Variants in GRIN2A observed in about 807,000 individuals in gnomAD.
GRIN2A encodes the protein glutamate ionotropic receptor NMDA type subunit 2A.
A neutral mutation model predicts 113.4 loss-of-function variants in GRIN2A; 22 were observed. The observed-to-expected ratio is 0.19, with a 90% confidence interval of 0.14 to 0.28. The LOEUF is 0.28. GRIN2A is among the 10% of genes least tolerant of loss of function. The pLI is 1.00. For synonymous variants in GRIN2A, 827 were observed against 738.4 expected (o/e 1.12, Z -1.94); for missense variants, 1,502 against 1,887.0 (o/e 0.80, Z 3.78).
intron 2 of GRIN2A, among the ~76,000 whole-genome samples, chr16:10,056,785 G>T (rs1371406662): frequency 6.6e-6 from 1 of 152,148 alleles, no homozygotes; most frequent in East Asian, 1.9e-4. Context: ...GCAGGGGAGG[G>T]TCTTCCCTTA....
intron 2 of GRIN2A, among the ~76,000 whole-genome samples, chr16:10,089,162 A>C (rs2048138574): frequency 6.6e-6 from 1 of 152,246 alleles, no homozygotes; most frequent in African/African-American, 2.4e-5. Context: ...TACTTTGTCA[A>C]CTACTGTAGT....
chr16:9,942,402 G>A (rs1049299777), intron 2 of GRIN2A, among the ~76,000 whole-genome samples: 2 of 152,102 alleles, frequency 1.3e-5, no homozygotes, highest in African/African-American at 4.8e-5. Flanking sequence ...CCGTGGCTTT[G>A]AAAAAGTGCT....
chr16:10,091,254 G>C (rs1457056414), intron 2 of GRIN2A, among the ~76,000 whole-genome samples: 1 of 152,158 alleles, frequency 6.6e-6, no homozygotes, highest in Non-Finnish European at 1.5e-5. Flanking sequence ...GATATTCACA[G>C]GAGTATTATC....
In GRIN2A at chr16:9,792,366, G is replaced by C. The variant is rs139427397; in HGVS notation, c.2356+5911C>G. 2.8e-3 allele frequency among the ~76,000 whole-genome samples: 429 copies of C among 152,218 alleles called. 1 individual carries two copies. Among genetic ancestry groups the C allele is most frequent in the African/African-American group, 9.9e-3 (411 of 41,522 alleles). On this transcript the variant is annotated intron_variant, in intron 11 of 12. Transcript: ENST00000330684. ...GCCTCCTGAGTAGGTGGGCCTACAA[G>C]CATGTACCACCATGCCCAGTAATTT...
At chr16:9,843,935 T>C (rs1398229268) in intron 5 of GRIN2A, among the ~76,000 whole-genome samples, 7 of 152,264 alleles carry the variant, frequency 4.6e-5, no homozygotes, top group Admixed American at 4.6e-4. Context: ...AATGTCCAGA[T>C]ACCATTTCCT....
chr16:9,933,409 T>C (rs28510511), intron 3 of GRIN2A, among the ~76,000 whole-genome samples: 1,913 of 152,258 alleles, frequency 0.013, 45 homozygotes, highest in African/African-American at 0.044. Flanking sequence ...GCTGGCCCCA[T>C]GACTTTGTTC....
intron 2 of GRIN2A, among the ~76,000 whole-genome samples, chr16:9,983,442 C>A (rs1369195164): frequency 7.1e-6 from 1 of 141,654 alleles, no homozygotes; most frequent in Admixed American, 7.1e-5. Flanking sequence ...GTTATTTATT[C>A]TTTTTTTTTT....
chr16:9,803,491 A>G (rs1310515754), intron 10 of GRIN2A, among the ~76,000 whole-genome samples: 1 of 152,216 alleles, frequency 6.6e-6, no homozygotes, highest in Non-Finnish European at 1.5e-5. Flanking sequence ...AAGTGTTATT[A>G]TATAAGTAAA....
chr16:9,808,589 A>AT (rs1171850872), intron 10 of GRIN2A, among the ~76,000 whole-genome samples: 2 of 152,160 alleles, frequency 1.3e-5, no homozygotes, highest in Non-Finnish European at 2.9e-5. Flanking sequence ...AGGAAATAGG[A>AT]TTTTACACAT....
At chr16:10,120,146 G>A (rs2048806939) in intron 2 of GRIN2A, among the ~76,000 whole-genome samples, 1 of 152,114 alleles carries the variant, frequency 6.6e-6, no homozygotes, top group Non-Finnish European at 1.5e-5. Context: ...GTTCTTTTAG[G>A]AATCATCACA....
In GRIN2A at chr16:9,758,690, A is replaced by G. The variant is rs1333590097; in HGVS notation, c.*4459T>C. On this transcript the variant is annotated 3_prime_UTR_variant, in exon 13 of 13. Transcript: ENST00000330684. The stretch of plus-strand genomic sequence containing the variant: ...GTGCATTTGATCATCTCTGATCTAT[A>G]TCAAGTGGCAAGCTGACCTCATCTG... 1 of 215,638 alleles carries G rather than the reference A, an allele frequency of 4.6e-6. No individual in the cohort carries two copies. Among genetic ancestry groups the G allele is most frequent in the Admixed American group, 5.8e-5 (1 of 17,182 alleles). The allele number at this position is 215,638 out of a possible 1,614,324, so 13.4% of individuals were successfully genotyped here.
At chr16:9,969,136 C>A (rs1316488275) in intron 2 of GRIN2A, among the ~76,000 whole-genome samples, 1 of 152,100 alleles carries the variant, frequency 6.6e-6, no homozygotes, top group Non-Finnish European at 1.5e-5. Context: ...TCAGTAGACA[C>A]AGGGAGTCAA....
At chr16:9,813,788 C>T (rs181050770) in intron 10 of GRIN2A, among the ~76,000 whole-genome samples, 30 of 151,778 alleles carry the variant, frequency 2.0e-4, no homozygotes, top group African/African-American at 7.3e-4. Flanking sequence ...TATTTTTGAG[C>T]TTTGTTTGCA....
chr16:10,149,890 G>C (rs894980659), intron 2 of GRIN2A, among the ~76,000 whole-genome samples: 17 of 152,338 alleles, frequency 1.1e-4, no homozygotes, highest in Admixed American at 9.8e-4. Flanking sequence ...CTTTTAAAAA[G>C]TTTAATTGTG....
At chr16:10,126,421 C>T (rs2048937673) in intron 2 of GRIN2A, among the ~76,000 whole-genome samples, 3 of 152,144 alleles carry the variant, frequency 2.0e-5, no homozygotes, top group Non-Finnish European at 4.4e-5. Flanking sequence ...CCTGCCACTG[C>T]CTCCCAAAGC....
chr16:10,169,627 G>C (rs1260934956), intron 2 of GRIN2A, among the ~76,000 whole-genome samples: 1 of 152,110 alleles, frequency 6.6e-6, no homozygotes, highest in Admixed American at 6.5e-5. Flanking sequence ...AGCTGAGGAA[G>C]GCAAAGTAGA....
intron 11 of GRIN2A, among the ~76,000 whole-genome samples, chr16:9,776,061 C>G (rs1319753023): frequency 2.0e-5 from 3 of 152,192 alleles, no homozygotes; most frequent in African/African-American, 4.8e-5. Flanking sequence ...AACGCACTTA[C>G]AAGAAACTGC....
At chr16:9,871,890 T>C (rs538209492) in intron 4 of GRIN2A, among the ~76,000 whole-genome samples, 11 of 152,264 alleles carry the variant, frequency 7.2e-5, no homozygotes, top group African/African-American at 1.2e-4. Flanking sequence ...TAGAATTTGA[T>C]TGAAGAAAGT....
rs558266879 is a variant in GRIN2A at position 10,179,868 on chromosome 16, G to A, written c.414+130C>T. 6.4e-4 allele frequency: 463 copies of A among 728,288 alleles called. 1 individual carries two copies. The highest frequency in any genetic ancestry group is 3.6e-3 in the Admixed American group (176 of 48,878). 45.1% of individuals were successfully genotyped at this position (728,288 alleles called of 1,614,324 possible). On this transcript the variant is annotated intron_variant, in intron 2 of 12. Coordinates refer to ENST00000330684, the MANE Select transcript of GRIN2A (RefSeq NM_001134407.3). ...GACCTGGTTCTCACCAGGGCCAGTG[G>A]CCACGACCCTCCCACCCCCACCCCC...
Sources: gnomAD v4.1 joint callset for allele counts (sites outside exome capture counted in the v4.1 genomes callset) on GRCh38, gnomAD v4.1.1 for gene constraint, MANE v1.5 for transcripts, NCBI Gene and HGNC (gene_info 2026-07-23, HGNC 2026-07-21) for gene names.